CREB5: variants seen among roughly 807,000 people sequenced by gnomAD.
The protein encoded by CREB5 is cyclic AMP-responsive element-binding protein 5.
In CREB5, 19 loss-of-function variants were observed where a neutral mutation model predicts 57.1. The ratio of observed to expected loss-of-function variants is 0.33; its 90% CI spans 0.23 to 0.49. The LOEUF (loss-of-function observed/expected upper bound fraction) is 0.49. Ranked by LOEUF, CREB5 falls within the 20% of genes least tolerant of loss-of-function variation. CREB5 has a pLI of 0.99. For missense variants in CREB5, 579 were observed against 671.6 expected, an observed-to-expected ratio of 0.86 and a Z score of 1.52; for synonymous variants, 238 against 238.3, an observed-to-expected ratio of 1.00 and a Z score of 0.01.
Position 28,560,861 on chromosome 7 carries a change from T to TGCGCGTGCGCGTGCGC in CREB5, c.292-9503_292-9502insCGCGTGCGCGTGCGCG, listed in dbSNP as rs1358670336. Among the ~76,000 whole-genome samples the TGCGCGTGCGCGTGCGC allele has an allele frequency of 6.5e-5, 3 of 45,864 alleles. 1 individual carries two copies. Among genetic ancestry groups the TGCGCGTGCGCGTGCGC allele is most frequent in the Non-Finnish European group, 1.4e-4 (3 of 21,574 alleles). The allele number at this position is 45,864 out of a possible 152,430, so 30.1% of individuals were successfully genotyped here. Reference sequence around the variant, plus strand: ...GTGTGTGTGCGCGTGTGTGTGTGCGTGTGCCTGCGTGCGCGTGCGTGCGTG... The same window carrying TGCGCGTGCGCGTGCGC: ...GTGTGTGTGCGCGTGTGTGTGTGCGTGCGCGTGCGCGTGCGCGTGCCTGCGTGCGCGTGCGTGCGTG... On this transcript the variant is annotated intron_variant, in intron 4 of 10. Coordinates refer to ENST00000357727, the MANE Select transcript of CREB5 (RefSeq NM_182898.4).
chr7:28,738,665 C>T (rs927986808), intron 7 of CREB5, among the ~76,000 whole-genome samples: 1 of 152,098 alleles, frequency 6.6e-6, no homozygotes, highest in Admixed American at 6.5e-5. Flanking sequence ...AGTCTACAAG[C>T]GAGTTGTTCC....
chr7:28,741,480 T>G (rs1804344002), intron 7 of CREB5, among the ~76,000 whole-genome samples: 1 of 151,938 alleles, frequency 6.6e-6, no homozygotes, highest in Non-Finnish European at 1.5e-5. Flanking sequence ...TCTGAGTGGA[T>G]TCTATCTCTG....
chr7:28,656,720 T>C (rs190279102), intron 5 of CREB5, among the ~76,000 whole-genome samples: 103 of 152,358 alleles, frequency 6.8e-4, no homozygotes, highest in Non-Finnish European at 1.1e-3. Context: ...AGTCCATCTC[T>C]GCTCAGTCAG....
intron 5 of CREB5, among the ~76,000 whole-genome samples, chr7:28,717,012 CA>C (rs1181738015): frequency 2.5e-4 from 38 of 151,748 alleles, no homozygotes; most frequent in Admixed American, 2.5e-3. Flanking sequence ...TATCTCCTCA[CA>C]TACACATTCT....
chr7:28,327,307 A>G (rs1286463678), intron 1 of CREB5, among the ~76,000 whole-genome samples: 2 of 152,144 alleles, frequency 1.3e-5, no homozygotes, highest in Non-Finnish European at 2.9e-5. Flanking sequence ...GCTCCAAGAA[A>G]TGCTTCCAAC....
chr7:28,494,651 T>C (rs1266825176), intron 2 of CREB5, among the ~76,000 whole-genome samples: 1 of 152,204 alleles, frequency 6.6e-6, no homozygotes, highest in East Asian at 1.9e-4. Flanking sequence ...ACCCCTTTGG[T>C]AAACTTTAAT....
chr7:28,468,527 T>A (rs530267958), intron 1 of CREB5, among the ~76,000 whole-genome samples: 12 of 152,268 alleles, frequency 7.9e-5, no homozygotes, highest in African/African-American at 2.9e-4. Flanking sequence ...TCATGGGCAA[T>A]GGGTTGAGCA....
intron 1 of CREB5, among the ~76,000 whole-genome samples, chr7:28,381,033 G>A (rs59981375): frequency 0.12 from 18,201 of 152,040 alleles, 2,687 homozygotes; most frequent in African/African-American, 0.35. Context: ...GTTCACAGAT[G>A]CTCATTACAT....
chr7:28,728,205 G>A (rs1032188875), intron 7 of CREB5, among the ~76,000 whole-genome samples: 2 of 152,178 alleles, frequency 1.3e-5, no homozygotes, highest in Admixed American at 6.5e-5. Context: ...CTCCCAAAGT[G>A]TTGGGATTAT....
At chr7:28,449,750 A>T (rs1288691680) in intron 1 of CREB5, among the ~76,000 whole-genome samples, 2 of 152,246 alleles carry the variant, frequency 1.3e-5, no homozygotes, top group Non-Finnish European at 2.9e-5. Context: ...CTCTCAAAGA[A>T]GAATATTCCT....
At chr7:28,426,420 G>A (rs1434362123) in intron 1 of CREB5, among the ~76,000 whole-genome samples, 1 of 152,168 alleles carries the variant, frequency 6.6e-6, no homozygotes, top group Non-Finnish European at 1.5e-5. Flanking sequence ...CTTCACTGGT[G>A]CCCTGTCTCA....
intron 1 of CREB5, among the ~76,000 whole-genome samples, chr7:28,306,154 A>G (rs1230630914): frequency 1.3e-5 from 2 of 152,198 alleles, no homozygotes; most frequent in African/African-American, 4.8e-5. Flanking sequence ...AAGCGTCCAT[A>G]ATTGTAACAC....
chr7:28,578,361 G>A (rs1045044903), intron 5 of CREB5, among the ~76,000 whole-genome samples: 1 of 152,198 alleles, frequency 6.6e-6, no homozygotes. Flanking sequence ...AGAGTCCCAT[G>A]ACTGAATATA....
At chr7:28,606,472 C>T (rs1041814525) in intron 5 of CREB5, among the ~76,000 whole-genome samples, 11 of 152,162 alleles carry the variant, frequency 7.2e-5, no homozygotes, top group Admixed American at 2.0e-4. Flanking sequence ...GTTTGTCCAG[C>T]CTTTGTGTGA....
chr7:28,806,078 C>T (rs565807685), intron 8 of CREB5, among the ~76,000 whole-genome samples: 75 of 151,438 alleles, frequency 5.0e-4, no homozygotes, highest in African/African-American at 1.5e-3. Flanking sequence ...TATAAGGAAA[C>T]GAGAACATCA....
intron 5 of CREB5, among the ~76,000 whole-genome samples, chr7:28,578,234 G>C (rs760046967): frequency 3.9e-5 from 6 of 151,982 alleles, no homozygotes; most frequent in Non-Finnish European, 8.8e-5. Flanking sequence ...AAAATTAGCT[G>C]TTCTTTTCTG....
At chr7:28,397,497 A>T (rs42699) in intron 1 of CREB5, among the ~76,000 whole-genome samples, 1 of 152,046 alleles carries the variant, frequency 6.6e-6, no homozygotes, top group Non-Finnish European at 1.5e-5. Flanking sequence ...GAGAATTTGC[A>T]TCTAGGAGAC....
chr7:28,476,799 G>C (rs1470156235), intron 1 of CREB5, among the ~76,000 whole-genome samples: 1 of 152,218 alleles, frequency 6.6e-6, no homozygotes, highest in African/African-American at 2.4e-5. Flanking sequence ...CCTATTATGA[G>C]AAATATTTAG....
At chr7:28,713,182 A>G (rs1802493607) in intron 5 of CREB5, among the ~76,000 whole-genome samples, 2 of 152,114 alleles carry the variant, frequency 1.3e-5, no homozygotes, top group Admixed American at 1.3e-4. Flanking sequence ...TCTCCCAAGT[A>G]GCTGGGACTA....
Sources: gnomAD v4.1 joint callset for allele counts (sites outside exome capture counted in the v4.1 genomes callset) on GRCh38, gnomAD v4.1.1 for gene constraint, MANE v1.5 for transcripts, NCBI Gene and HGNC (gene_info 2026-07-23, HGNC 2026-07-21) for gene names.